Variants in MX2 observed in about 807,000 individuals in gnomAD.
MX2 encodes MX dynamin like GTPase 2.
MX2 carries 51 observed loss-of-function variants against 74.0 expected under a neutral mutation model. The ratio of observed to expected loss-of-function variants is 0.69; its 90% CI spans 0.55 to 0.87. The LOEUF is 0.87. Among genes scored for constraint, MX2 ranks in the 40% least tolerant of loss-of-function variants. MX2 has a pLI of 0.00. For synonymous variants in MX2, 369 were observed against 339.3 expected (o/e 1.09, Z -0.96); for missense variants, 832 against 908.7 (o/e 0.92, Z 1.09).
At chr21:41,369,321 G>C (rs1353631331) in intron 1 of MX2, among the ~76,000 whole-genome samples, 1 of 152,194 alleles carries the variant, frequency 6.6e-6, no homozygotes, top group East Asian at 1.9e-4. Flanking sequence ...CCCCAGGTGG[G>C]GCTGCTGAGC....
rs745448850 is a variant in MX2, at chr21:41,399,223, G to A, written c.1300G>A (p.Glu434Lys). Residue 434 changes from glutamate to lysine, a missense_variant, in exon 10 of 14, where the codon GAA (glutamate) becomes AAA (lysine). Glu to Lys is a moderately conservative substitution (Grantham distance 56, BLOSUM62 1). Transcript: ENST00000330714. ...AATCAAGATGTTTAATCAGGACATC[G>A]AAAAGTTAGTAGAAGGAGAAGAAGT... is the stretch of plus-strand genomic sequence containing the variant. ...EKIKMFNQDI[E>K]KLVEGEEVVR... The A allele has an allele frequency of 5.6e-6, 9 of 1,613,878 alleles. No homozygotes were observed. The highest frequency in any genetic ancestry group is 2.2e-5 in the East Asian group (1 of 44,876).
At chr21:41,389,407 G>T (rs1297646268) in intron 5 of MX2, 1 of 152,130 alleles carries the variant, frequency 6.6e-6, no homozygotes, top group African/African-American at 2.4e-5. Context: ...TGTGGTCCCA[G>T]CTACTCGGGA....
intron 5 of MX2, 43 bp downstream of exon 5, chr21:41,382,607 G>A: frequency 6.2e-7 from 1 of 1,612,398 alleles, no homozygotes; most frequent in African/African-American, 1.3e-5. Context: ...GCTGAAGTGG[G>A]GGAAGGGTCA....
At chr21:41,400,416 T>A (rs1478239471) in intron 10 of MX2, among the ~76,000 whole-genome samples, 1 of 152,198 alleles carries the variant, frequency 6.6e-6, no homozygotes, top group African/African-American at 2.4e-5. Flanking sequence ...AGATTCTTGG[T>A]TTGACAAGAG....
intron 3 of MX2, among the ~76,000 whole-genome samples, chr21:41,379,589 C>T (rs549778309): frequency 1.5e-4 from 23 of 152,252 alleles, no homozygotes; most frequent in Non-Finnish European, 2.8e-4. Context: ...CCACACTAAC[C>T]AGGGCTGCCC....
chr21:41,403,511 C>T, intron 12 of MX2, 168 bp downstream of exon 12: 1 of 748,526 alleles, frequency 1.3e-6, no homozygotes, highest in Non-Finnish European at 2.5e-6. Context: ...TCCAGGAGCA[C>T]CTGCCTGCCT....
chr21:41,371,189 C>T (rs2089320034), intron 1 of MX2, among the ~76,000 whole-genome samples: 2 of 152,184 alleles, frequency 1.3e-5, no homozygotes, highest in Non-Finnish European at 2.9e-5. Flanking sequence ...TATCTGGTCT[C>T]GTCATCTCGA....
intron 5 of MX2, among the ~76,000 whole-genome samples, chr21:41,389,171 A>G (rs543225496): frequency 6.6e-6 from 1 of 151,956 alleles, no homozygotes; most frequent in Non-Finnish European, 1.5e-5. Context: ...CTATTATTCA[A>G]TGATTAGTAA....
chr21:41,405,263 AG>A (rs1202997109), intron 12 of MX2, among the ~76,000 whole-genome samples: 47 of 151,828 alleles, frequency 3.1e-4, no homozygotes, highest in African/African-American at 1.0e-3. Flanking sequence ...CATCTCAAAA[AG>A]AAAAAAAAAA....
In MX2 at chr21:41,377,849, A is replaced by T; in HGVS notation, c.310A>T (p.Ile104Phe). The T allele has an allele frequency of 1.2e-6, 2 of 1,614,116 alleles. No individual in the cohort carries two copies. Residue 104 changes from isoleucine to phenylalanine, a missense_variant, in exon 3 of 14, where the codon ATC becomes TTC. Physicochemically the swap from Ile to Phe is conservative, Grantham distance 21. Coordinates refer to ENST00000330714, the MANE Select transcript of MX2 (RefSeq NM_002463.2). ...GAAGGTGCGCCCCTGCATTGACCTC[A>T]TCGACTCCCTGCGGGCTCTGGGTGT... is the stretch of plus-strand genomic sequence containing the variant. ...EQKVRPCIDL[I>F]DSLRALGVEQ...
intron 6 of MX2, among the ~76,000 whole-genome samples, chr21:41,394,915 G>A (rs1217441645): frequency 6.7e-6 from 1 of 149,552 alleles, no homozygotes; most frequent in Non-Finnish European, 1.5e-5. Context: ...GGGCAACAGA[G>A]CGAGACTCCA....
chr21:41,382,612 G>C, intron 5 of MX2, 48 bp downstream of exon 5: 1 of 1,610,200 alleles, frequency 6.2e-7, no homozygotes, highest in Non-Finnish European at 8.5e-7. Context: ...AGTGGGGGAA[G>C]GGTCAGAGGT....
At position 41,390,681 on chromosome 21, in the gene MX2, C is replaced by A. The variant is rs754490446; in HGVS notation, c.849C>A (p.Asp283Glu). 6.2e-7 allele frequency: 1 copy of A among 1,614,052 alleles called. No homozygotes were observed. The highest frequency in any genetic ancestry group is 1.1e-5 in the South Asian group (1 of 91,080). ...TEALSMAHEV[D>E]PEGDRTIGIL... is the part of the protein sequence containing the mutation. The stretch of plus-strand genomic sequence containing the variant: ...CGCTGAGCATGGCCCATGAGGTGGA[C>A]CCGGAAGGGGACAGGACCATCGGTA... The change falls in exon 6 of 14, where the codon GAC becomes GAA. Residue 283 changes from aspartate (D) to glutamate (E), a missense_variant. Asp to Glu is a conservative substitution (Grantham distance 45). Coordinates refer to ENST00000330714, the MANE Select transcript of MX2 (RefSeq NM_002463.2).
intron 10 of MX2, 66 bp from the exon 11 acceptor site, chr21:41,401,902 CTG>C (rs1362750954): frequency 3.9e-6 from 6 of 1,531,490 alleles, no homozygotes; most frequent in Non-Finnish European, 5.3e-6. Context: ...CTTTATAAAA[CTG>C]TTGCTAGCTT....
At chr21:41,393,110 CAAA>C (rs373955778) in intron 6 of MX2, among the ~76,000 whole-genome samples, 19 of 60,086 alleles carry the variant, frequency 3.2e-4, no homozygotes, top group African/African-American at 7.0e-4. Flanking sequence ...CTCAAAAAAG[CAAA>C]AAAAAAAAAA....
In MX2 at chr21:41,408,015, C is replaced by A. The variant is rs763829601; in HGVS notation, c.1930C>A (p.Gln644Lys). Residue 644 changes from glutamine to lysine, a missense_variant, in exon 14 of 14, where the codon CAG becomes AAG. Gln to Lys is a moderately conservative substitution (Grantham distance 53). Coordinates refer to ENST00000330714, the MANE Select transcript of MX2 (RefSeq NM_002463.2). ...FLETSKRLAN[Q>K]IPFIIQYFML... Reference sequence around the variant, plus strand: ...GGAAACCAGCAAACGTCTCGCCAACCAGATCCCATTTATAATTCAGTATTT... The same window carrying A: ...GGAAACCAGCAAACGTCTCGCCAACAAGATCCCATTTATAATTCAGTATTT... The A allele has an allele frequency of 9.3e-6, 15 of 1,614,174 alleles. No homozygotes were observed. Among genetic ancestry groups the A allele is most frequent in the Middle Eastern group, 1.6e-4 (1 of 6,062 alleles).
Position 41,402,014 on chromosome 21 carries a change from T to C in MX2, c.1459T>C (p.Tyr487His), listed in dbSNP as rs779464502. Residue 487 changes from tyrosine to histidine, a missense_variant, in exon 11 of 14, where the codon TAT becomes CAT. Transcript: ENST00000330714. The surrounding 1 kb of genome is among the most constrained non-coding windows in gnomAD (Gnocchi z 4.5). ...HEEVEKYEKQ[Y>H]RGKELLGFVN... ...AGAAGTTGAAAAATATGAAAAGCAGTATCGAGGCAAGGAGCTTCTGGGATT... is the reference window on the plus strand; with the variant it reads ...AGAAGTTGAAAAATATGAAAAGCAGCATCGAGGCAAGGAGCTTCTGGGATT... The C allele has an allele frequency of 2.5e-6, 4 of 1,614,070 alleles. No individual in the cohort carries two copies. Among genetic ancestry groups the C allele is most frequent in the Non-Finnish European group, 3.4e-6 (4 of 1,180,002 alleles).
In MX2 at chr21:41,398,837, A is replaced by G. The variant is rs1318985453; in HGVS notation, c.1150-60A>G. The G allele has an allele frequency of 1.9e-6, 3 of 1,584,168 alleles. No homozygotes were observed. The East Asian group carries it at 6.8e-5, about 36-fold the overall frequency. ...TAAAGGGCTCCTACTCATATACCAA[A>G]GAAATCAGTTGGCCAATCTCTTAAG... On this transcript the variant is annotated intron_variant, in intron 8 of 13. Coordinates refer to ENST00000330714, the MANE Select transcript of MX2 (RefSeq NM_002463.2).
At chr21:41,401,323 G>A (rs9979006) in intron 10 of MX2, 8,831 of 152,364 alleles carry the variant, frequency 0.058, 482 homozygotes, top group East Asian at 0.21. Flanking sequence ...GTTTACCTCC[G>A]TGGAAAGATC....
Sources: allele counts gnomAD v4.1 joint callset (sites outside exome capture counted in the v4.1 genomes callset), GRCh38; gene constraint gnomAD v4.1.1; non-coding constraint Gnocchi (gnomAD v3.1); transcripts MANE v1.5; gene names NCBI Gene and HGNC (gene_info 2026-07-23, HGNC 2026-07-21).